Variants in CSMD2 observed in about 807,000 individuals in gnomAD.
CSMD2 encodes the protein CUB and sushi domain-containing protein 2.
Under a neutral mutation model 398.5 loss-of-function variants are expected in CSMD2, and 130 were observed. That is an observed-to-expected ratio of 0.33 (90% CI 0.28 to 0.38). CSMD2 has a LOEUF of 0.38. CSMD2 is among the 10% of genes least tolerant of loss of function. The pLI is 1.00. For missense variants in CSMD2, 3,829 were observed against 4,764.9 expected, an observed-to-expected ratio of 0.80 and a Z score of 5.78; for synonymous variants, 1,828 against 1,908.5, an observed-to-expected ratio of 0.96 and a Z score of 1.10.
At chr1:33,693,202 C>T in intron 24 of CSMD2, 146 bp from the exon 25 acceptor site, 6 of 889,452 alleles carry the variant, frequency 6.7e-6, no homozygotes, top group East Asian at 3.0e-5. Context: ...TAAAAGGTCT[C>T]TGGATGAGAC....
chr1:33,936,311 GAT>G (rs749856959), intron 3 of CSMD2, among the ~76,000 whole-genome samples: 4 of 152,182 alleles, frequency 2.6e-5, no homozygotes, highest in African/African-American at 4.8e-5. Flanking sequence ...TGGCTGGCCT[GAT>G]TTCAGACTCC....
intron 21 of CSMD2, 142 bp downstream of exon 21, chr1:33,714,445 C>T: frequency 3.1e-6 from 3 of 957,702 alleles, no homozygotes; most frequent in East Asian, 2.4e-5. Flanking sequence ...GGTTACCTGC[C>T]CCGGGTCCCA....
intron 3 of CSMD2, among the ~76,000 whole-genome samples, chr1:33,951,276 G>A (rs1215940360): frequency 5.3e-5 from 8 of 152,216 alleles, no homozygotes; most frequent in Admixed American, 3.9e-4. Context: ...CTGTTCAAGA[G>A]GCACATGGCT....
chr1:33,961,069 G>T (rs1053622194), intron 3 of CSMD2, among the ~76,000 whole-genome samples: 1 of 152,178 alleles, frequency 6.6e-6, no homozygotes, highest in Non-Finnish European at 1.5e-5. Flanking sequence ...GCGCTACAGC[G>T]CATCAGCCCC....
At chr1:33,746,591 T>C (rs1370516027) in intron 13 of CSMD2, among the ~76,000 whole-genome samples, 1 of 152,204 alleles carries the variant, frequency 6.6e-6, no homozygotes, top group Non-Finnish European at 1.5e-5. Flanking sequence ...TAGCTCTGCT[T>C]ATCATTCTCT....
intron 33 of CSMD2, among the ~76,000 whole-genome samples, chr1:33,625,527 T>C (rs72662036): frequency 0.093 from 14,113 of 152,208 alleles, 754 homozygotes; most frequent in African/African-American, 0.14. Flanking sequence ...TGTTCTTTGC[T>C]TTCCCAACGA....
At chr1:34,047,525 C>A (rs991306841) in intron 2 of CSMD2, among the ~76,000 whole-genome samples, 11 of 152,164 alleles carry the variant, frequency 7.2e-5, no homozygotes, top group African/African-American at 2.4e-4. Flanking sequence ...TTATTTATTA[C>A]GTCTACCTTT....
At chr1:33,567,876 A>C in intron 52 of CSMD2, 35 bp from the exon 53 acceptor site, 1 of 1,545,254 alleles carries the variant, frequency 6.5e-7, no homozygotes, top group Non-Finnish European at 8.7e-7. Flanking sequence ...AGGACCAACT[A>C]TCCCACAACT....
chr1:33,632,871 A>G (rs1642548535), intron 32 of CSMD2, among the ~76,000 whole-genome samples: 1 of 152,350 alleles, frequency 6.6e-6, no homozygotes, highest in African/African-American at 2.4e-5. Flanking sequence ...ATTTTAACTA[A>G]CTGTATGAGA....
Position 33,533,355 on chromosome 1 carries a change from C to T in CSMD2, c.9992-126G>A. 3 of 858,116 alleles carry T rather than the reference C, an allele frequency of 3.5e-6. No homozygotes were observed. Among genetic ancestry groups the T allele is most frequent in the Non-Finnish European group, 5.4e-6 (3 of 552,390 alleles). The allele number at this position is 858,116 out of a possible 1,614,324, so 53.2% of individuals were successfully genotyped here. A position where few individuals can be genotyped will look rare whatever the true frequency, so the allele number is the denominator to read the frequency against. On this transcript the variant is annotated intron_variant, in intron 63 of 70. Coordinates refer to ENST00000373381, the MANE Select transcript of CSMD2 (RefSeq NM_001281956.2). This position sits in a 1 kb window ranked among gnomAD's most constrained non-coding sequence, Gnocchi z 4.2. ...CCCTTCCAGTCCCTTTCATGCCAAG[C>T]ATCCCCCTCCCTAATCCTCCACCCT...
intron 9 of CSMD2, chr1:33,815,150 C>A (rs182031725): frequency 6.6e-6 from 1 of 152,152 alleles, no homozygotes; most frequent in African/African-American, 2.4e-5. Flanking sequence ...CCCATGTCTT[C>A]CTTCACCAAT....
intron 41 of CSMD2, among the ~76,000 whole-genome samples, chr1:33,608,083 G>A (rs1406959053): frequency 6.6e-6 from 1 of 152,130 alleles, no homozygotes; most frequent in Admixed American, 6.5e-5. Flanking sequence ...GGGGGACAGC[G>A]GGGCCCCTTG....
rs182130758 is a variant in CSMD2, at chr1:33,799,332, T to C, written c.1447-6806A>G. Among the ~76,000 whole-genome samples the C allele has an allele frequency of 1.2e-3, 189 of 152,324 alleles. 1 individual carries two copies. Among genetic ancestry groups the C allele is most frequent in the African/African-American group, 4.3e-3 (179 of 41,568 alleles). ...GATGGCTTCCCTAGAGCAATGGTTT[T>C]CAAACTGGGCTCCCAGGTACCCCAG... On this transcript the variant is annotated intron_variant, in intron 10 of 70. Coordinates refer to ENST00000373381, the MANE Select transcript of CSMD2 (RefSeq NM_001281956.2).
At chr1:33,850,546 C>T (rs1332759154) in intron 5 of CSMD2, among the ~76,000 whole-genome samples, 4 of 152,084 alleles carry the variant, frequency 2.6e-5, no homozygotes, top group African/African-American at 9.7e-5. Context: ...CCTCTTCTCC[C>T]CCCTCCTGAC....
chr1:34,018,231 C>T (rs533359491), intron 3 of CSMD2, among the ~76,000 whole-genome samples: 55 of 152,278 alleles, frequency 3.6e-4, no homozygotes, highest in Non-Finnish European at 7.2e-4. Context: ...TGCTATTATA[C>T]TTTTAAATGA....
chr1:33,950,395 G>GAGAGAGAGAGAGAC (rs1281328096), intron 3 of CSMD2, among the ~76,000 whole-genome samples: 7 of 148,906 alleles, frequency 4.7e-5, no homozygotes, highest in African/African-American at 1.8e-4. Flanking sequence ...GAGAGAGAGA[G>GAGAGAGAGAGAGAC]AGAGAGAGAG....
intron 5 of CSMD2, among the ~76,000 whole-genome samples, chr1:33,869,766 C>A (rs777323011): frequency 1.3e-5 from 2 of 152,146 alleles, no homozygotes; most frequent in Non-Finnish European, 2.9e-5. Context: ...GCAGACCATG[C>A]TCAGTTAGCC....
chr1:34,165,709 A>G, upstream of CSMD2: 1 of 1,603,782 alleles, frequency 6.2e-7, no homozygotes, highest in Non-Finnish European at 8.5e-7. Flanking sequence ...GGAAAAGGTA[A>G]CCAAAGAAGG....
At chr1:33,630,364 A>C (rs1642397723) in intron 32 of CSMD2, among the ~76,000 whole-genome samples, 1 of 152,214 alleles carries the variant, frequency 6.6e-6, no homozygotes, top group African/African-American at 2.4e-5. Context: ...TCACTGATAC[A>C]ATAGATCTGA....
Sources: allele counts gnomAD v4.1 joint callset (sites outside exome capture counted in the v4.1 genomes callset), GRCh38; gene constraint gnomAD v4.1.1; non-coding constraint Gnocchi (gnomAD v3.1); transcripts MANE v1.5; gene names NCBI Gene and HGNC (gene_info 2026-07-23, HGNC 2026-07-21).